Variants in RGL2 observed in about 807,000 individuals in gnomAD.
The protein encoded by RGL2 is ral guanine nucleotide dissociation stimulator like 2.
Under a neutral mutation model 84.6 loss-of-function variants are expected in RGL2, and 40 were observed. That is an observed-to-expected ratio of 0.47 (90% confidence interval 0.37 to 0.62). The LOEUF is 0.62. Among genes scored for constraint, RGL2 ranks in the 20% least tolerant of loss-of-function variants. The pLI is 0.00. For missense variants in RGL2, 865 were observed against 1,019.7 expected (o/e 0.85, Z 2.07); for synonymous variants, 369 against 417.3 (o/e 0.88, Z 1.41).
Position 33,292,472 on chromosome 6 carries a change from C to G in RGL2, c.2080G>C (p.Ala694Pro). The G allele has an allele frequency of 1.9e-6, 3 of 1,614,146 alleles. No homozygotes were observed. The highest frequency in any genetic ancestry group is 2.5e-6 in the Non-Finnish European group (3 of 1,180,018). Residue 694 changes from alanine to proline, a missense_variant, in exon 17 of 18, where the codon GCT becomes CCT. Coordinates refer to ENST00000497454, the MANE Select transcript of RGL2 (RefSeq NM_004761.5). ...LKKNNRDSAV[A>P]SEYELVQLLP... ...AGCTGTACCAGCTCATACTCTGAAG[C>G]CACTGCAGAGTCACGATTGTTTTTC...
rs1261503533 is a variant in RGL2 at position 33,294,794 on chromosome 6, GC to G, written c.1279-33del. The stretch of plus-strand genomic sequence containing the variant: ...TCAGGGGTCAGGGTCAGAAGTGCCT[GC>G]CATTGACGTGAGGGCCCTCCATCCC... On this transcript the variant is annotated intron_variant, in intron 10 of 17. Transcript: ENST00000497454. This position sits in a 1 kb window ranked among gnomAD's most constrained non-coding sequence, Gnocchi z 5.0. The G allele has an allele frequency of 6.2e-6, 10 of 1,608,008 alleles. No individual in the cohort carries two copies. The highest frequency in any genetic ancestry group is 7.7e-6 in the Non-Finnish European group (9 of 1,175,738).
Position 33,296,808 on chromosome 6 carries a change from T to C in RGL2, c.241-32A>G, listed in dbSNP as rs754581802. On this transcript the variant is annotated intron_variant, in intron 3 of 17. Coordinates refer to ENST00000497454, the MANE Select transcript of RGL2 (RefSeq NM_004761.5). The surrounding 1 kb of genome is among the most constrained non-coding windows in gnomAD (Gnocchi z 5.0). The stretch of plus-strand genomic sequence containing the variant: ...AACACAGAGAGATGATCGCTAACCC[T>C]TTCTCCCACTCTGCACCTAGATTTC... 6.2e-6 allele frequency: 10 copies of C among 1,612,912 alleles called. No individual in the cohort carries two copies. The highest frequency in any genetic ancestry group is 8.5e-6 in the Non-Finnish European group (10 of 1,179,204).
Position 33,293,846 on chromosome 6 carries a change from T to C in RGL2, c.1457A>G (p.His486Arg), listed in dbSNP as rs764710146. 5 of 1,614,140 alleles carry C rather than the reference T, an allele frequency of 3.1e-6. No individual in the cohort carries two copies. Among genetic ancestry groups the C allele is most frequent in the African/African-American group, 1.3e-5 (1 of 75,020 alleles). Residue 486 changes from histidine to arginine, a missense_variant, in exon 13 of 18, where the codon CAT becomes CGT. Physicochemically the swap from His to Arg is conservative, Grantham distance 29. Transcript: ENST00000497454. The surrounding 1 kb of genome is among the most constrained non-coding windows in gnomAD (Gnocchi z 7.0). ...CCCCTGTAGCCACCTCTGGATATCA[T>C]GGTCAGGTTGGAGGTTATAGCCACG... Reference protein sequence around the residue: ...ECRGYNLQPDHDIQRWLQGLR... With the variant: ...ECRGYNLQPDRDIQRWLQGLR...
In RGL2 at chr6:33,297,097, C is replaced by A. The variant is rs747253994; in HGVS notation, c.175G>T (p.Asp59Tyr). 14 of 1,560,620 alleles carry A rather than the reference C, an allele frequency of 9.0e-6. No homozygotes were observed. In the African/African-American group the frequency reaches 1.8e-4, roughly 20 times the overall value. The change falls in exon 3 of 18, where the codon GAT (aspartate) becomes TAT (tyrosine). Residue 59 changes from aspartate to tyrosine, a missense_variant. By Grantham distance (160) the Asp-to-Tyr change is radical. Coordinates refer to ENST00000497454, the MANE Select transcript of RGL2 (RefSeq NM_004761.5). This position sits in a 1 kb window ranked among gnomAD's most constrained non-coding sequence, Gnocchi z 4.0. ...AACACGGCACCATCCTCCTCCTCATCCCAGACGGACACAGGGGCCTGGAGG... is the reference window on the plus strand; with the variant it reads ...AACACGGCACCATCCTCCTCCTCATACCAGACGGACACAGGGGCCTGGAGG... ...EEEEAPVSVW[D>Y]EEEDGAVFTV...
At chr6:33,292,990 C>T in intron 16 of RGL2, 26 bp downstream of exon 16, 1 of 1,613,958 alleles carries the variant, frequency 6.2e-7, no homozygotes, top group Non-Finnish European at 8.5e-7. Context: ...ATCCTTCACC[C>T]CAACTCCATC....
Position 33,298,685 on chromosome 6 carries a change from G to A in RGL2, c.-41-34C>T, listed in dbSNP as rs1768264871. The stretch of plus-strand genomic sequence containing the variant: ...AGACGGGGTGGGGTGGGGGTGGAGA[G>A]TCAGGCAGGCGCGGGGGAACCGGGC... On this transcript the variant is annotated intron_variant, in intron 1 of 17. Coordinates refer to ENST00000497454, the MANE Select transcript of RGL2 (RefSeq NM_004761.5). This position sits in a 1 kb window ranked among gnomAD's most constrained non-coding sequence, Gnocchi z 4.8. 2 of 1,029,398 alleles carry A rather than the reference G, an allele frequency of 1.9e-6. No homozygotes were observed. Among genetic ancestry groups the A allele is most frequent in the East Asian group, 3.2e-5 (1 of 31,170 alleles). The allele number at this position is 1,029,398 out of a possible 1,614,324, so 63.8% of individuals were successfully genotyped here. A position where few individuals can be genotyped will look rare whatever the true frequency, so the allele number is the denominator to read the frequency against.
At position 33,294,811 on chromosome 6, in the gene RGL2, C is replaced by T. The variant is rs537387878; in HGVS notation, c.1279-49G>A. On this transcript the variant is annotated intron_variant, in intron 10 of 17. Coordinates refer to ENST00000497454, the MANE Select transcript of RGL2 (RefSeq NM_004761.5). The surrounding 1 kb of genome is among the most constrained non-coding windows in gnomAD (Gnocchi z 5.0). ...AAGTGCCTGCCATTGACGTGAGGGC[C>T]CTCCATCCCTCCGCACTTGCCCTCC... The T allele has an allele frequency of 5.4e-5, 85 of 1,580,866 alleles. No homozygotes were observed. Among genetic ancestry groups the T allele is most frequent in the South Asian group, 3.0e-4 (27 of 89,108 alleles).
Position 33,293,867 on chromosome 6 carries a change from C to A in RGL2, c.1436G>T (p.Gly479Val). 1 of 1,614,128 alleles carries A rather than the reference C, an allele frequency of 6.2e-7. No homozygotes were observed. The highest frequency in any genetic ancestry group is 8.5e-7 in the Non-Finnish European group (1 of 1,180,042). Reference protein sequence around the residue: ...ELRRLQNECRGYNLQPDHDIQ... With the variant: ...ELRRLQNECRVYNLQPDHDIQ... ...ATCATGGTCAGGTTGGAGGTTATAG[C>A]CACGACATTCATTCTGGAGCCGTCG... The change falls in exon 13 of 18, where the codon GGC becomes GTC. Residue 479 changes from glycine (G) to valine (V), a missense_variant. Transcript: ENST00000497454. This position sits in a 1 kb window ranked among gnomAD's most constrained non-coding sequence, Gnocchi z 7.0.
rs1412019935 is a variant in RGL2 at position 33,294,848 on chromosome 6, G to C, written c.1279-86C>G. The C allele has an allele frequency of 6.6e-7, 1 of 1,516,552 alleles. No homozygotes were observed. Among genetic ancestry groups the C allele is most frequent in the African/African-American group, 1.4e-5 (1 of 72,824 alleles). 93.9% of individuals were successfully genotyped at this position (1,516,552 alleles called of 1,614,324 possible). ...CGCACTTGCCCTCCTCATTGCCTCAGAGAACAGATTTCATTCTCCTCACCC... is the reference window on the plus strand; with the variant it reads ...CGCACTTGCCCTCCTCATTGCCTCACAGAACAGATTTCATTCTCCTCACCC... On this transcript the variant is annotated intron_variant, in intron 10 of 17. Coordinates refer to ENST00000497454, the MANE Select transcript of RGL2 (RefSeq NM_004761.5). The surrounding 1 kb of genome is among the most constrained non-coding windows in gnomAD (Gnocchi z 5.0).
In RGL2 at chr6:33,293,913, A is replaced by G; in HGVS notation, c.1390T>C (p.Phe464Leu). The change falls in exon 13 of 18, where the codon TTT (phenylalanine) becomes CTT (leucine). Residue 464 changes from phenylalanine to leucine, a missense_variant. Around this residue, in one of 5 missense-constraint regions of RGL2, gnomAD observed 75 missense variants for 130.8 expected, o/e 0.57. Transcript: ENST00000497454. This position sits in a 1 kb window ranked among gnomAD's most constrained non-coding sequence, Gnocchi z 7.0. ...CGTCGCAACTCAGAAAGGACTGCAAACTCCTGGGAAGGAGCCCTCAAACTG... is the reference window on the plus strand; with the variant it reads ...CGTCGCAACTCAGAAAGGACTGCAAGCTCCTGGGAAGGAGCCCTCAAACTG... ...YINFDKRRKE[F>L]AVLSELRRLQ... The G allele has an allele frequency of 6.2e-7, 1 of 1,613,802 alleles. No homozygotes were observed. Among genetic ancestry groups the G allele is most frequent in the African/African-American group, 1.3e-5 (1 of 74,882 alleles).
rs1767763262 is a variant in RGL2 at position 33,294,697 on chromosome 6, A to G, written c.1344T>C (p.Asp448=). 6.2e-7 allele frequency: 1 copy of G among 1,613,792 alleles called. No homozygotes were observed. Among genetic ancestry groups the G allele is most frequent in the African/African-American group, 1.3e-5 (1 of 74,872 alleles). ...DLVMLDAASK[D]ELENGYINFD... ...CACACACACCACTGACCTCCAACTCATCCTTGGAGGCTGCATCCAGCATCA... is the reference window on the plus strand; with the variant it reads ...CACACACACCACTGACCTCCAACTCGTCCTTGGAGGCTGCATCCAGCATCA... The change falls in exon 11 of 18, where the codon GAT becomes GAC. Residue 448 remains aspartate (D), a synonymous_variant. Transcript: ENST00000497454. The surrounding 1 kb of genome is among the most constrained non-coding windows in gnomAD (Gnocchi z 5.0).
chr6:33,296,353 A>G lies in RGL2; in HGVS notation c.471-28T>C. 2.5e-6 allele frequency: 4 copies of G among 1,606,072 alleles called. No homozygotes were observed. Among genetic ancestry groups the G allele is most frequent in the Non-Finnish European group, 3.4e-6 (4 of 1,175,452 alleles). On this transcript the variant is annotated intron_variant, in intron 5 of 17. Coordinates refer to ENST00000497454, the MANE Select transcript of RGL2 (RefSeq NM_004761.5). The surrounding 1 kb of genome is among the most constrained non-coding windows in gnomAD (Gnocchi z 5.0). Reference sequence around the variant, plus strand: ...GGGAGAAGGGAATCAGCCAAGGGTGAGAGGTAAAGCTGCAGCCTGGGCAGA... The same window carrying G: ...GGGAGAAGGGAATCAGCCAAGGGTGGGAGGTAAAGCTGCAGCCTGGGCAGA...
chr6:33,296,238 C>G lies in RGL2; in HGVS notation c.558G>C (p.Glu186Asp). ...CATACCCTGTCTGAAGTAAGAAGCT[C>G]TCAAGCCGGTCAAGCTGACCCTTGG... ...SEAKGQLDRL[E>D]SFLLQTGYAA... Residue 186 changes from glutamate (E) to aspartate (D), a missense_variant, in exon 6 of 18, where the codon GAG becomes GAC. Physicochemically the swap from Glu to Asp is conservative, Grantham distance 45 (BLOSUM62 2). Coordinates refer to ENST00000497454, the MANE Select transcript of RGL2 (RefSeq NM_004761.5). This position sits in a 1 kb window ranked among gnomAD's most constrained non-coding sequence, Gnocchi z 5.0. The G allele has an allele frequency of 6.2e-7, 1 of 1,614,002 alleles. No individual in the cohort carries two copies. Among genetic ancestry groups the G allele is most frequent in the South Asian group, 1.1e-5 (1 of 91,086 alleles).
chr6:33,300,899 G>A (rs1768519962), upstream of RGL2: 1 of 150,298 alleles, frequency 6.7e-6, no homozygotes, highest in Non-Finnish European at 1.5e-5. Context: ...CCGAGAGGCG[G>A]AGCTTGCAGT....
In RGL2 at chr6:33,297,166, G is replaced by A; in HGVS notation, c.157-51C>T. ...AGACAGTTCCACACCACCCCCCATT[G>A]CCCTCAGCCTTCACCCCAGGCCCTG... On this transcript the variant is annotated intron_variant, in intron 2 of 17. Coordinates refer to ENST00000497454, the MANE Select transcript of RGL2 (RefSeq NM_004761.5). This position sits in a 1 kb window ranked among gnomAD's most constrained non-coding sequence, Gnocchi z 4.0. 1.4e-6 allele frequency: 2 copies of A among 1,405,180 alleles called. No homozygotes were observed. Among genetic ancestry groups the A allele is most frequent in the Non-Finnish European group, 1.9e-6 (2 of 1,031,762 alleles). 87.0% of individuals were successfully genotyped at this position (1,405,180 alleles called of 1,614,324 possible).
In RGL2 at chr6:33,293,494, C is replaced by T. The variant is rs1463061129; in HGVS notation, c.1635G>A (p.Pro545=). ...EVLGSVGVPT[P]LVSCDRPSTG... ...TACTGGGCCGGTCACAGGACACAAG[C>T]GGGGTAGGGACCCCAACAGAGCCCA... is the stretch of plus-strand genomic sequence containing the variant. The change falls in exon 15 of 18, where the codon CCG becomes CCA. Residue 545 remains proline (P), a synonymous_variant. Transcript: ENST00000497454. This position sits in a 1 kb window ranked among gnomAD's most constrained non-coding sequence, Gnocchi z 7.0. 9.9e-6 allele frequency: 16 copies of T among 1,613,856 alleles called. No individual in the cohort carries two copies. The highest frequency in any genetic ancestry group is 4.5e-5 in the East Asian group (2 of 44,904).
At chr6:33,301,573 CAA>C (rs11350807), upstream of RGL2, 18,375 of 411,936 alleles carry the variant, frequency 0.045, no homozygotes, top group South Asian at 0.066. Flanking sequence ...GACTCCGTCT[CAA>C]AAAAAAAAAA....
chr6:33,296,090 G>A lies in RGL2; in HGVS notation c.706C>T (p.Pro236Ser). Residue 236 changes from proline (P) to serine (S), a missense_variant, in exon 6 of 18, where the codon CCC becomes TCC. Physicochemically the swap from Pro to Ser is moderately conservative, Grantham distance 74. Transcript: ENST00000497454. The surrounding 1 kb of genome is among the most constrained non-coding windows in gnomAD (Gnocchi z 5.0). ...LALPGDPPADPTDVLVFLADH... is the reference protein window; with the variant it reads ...LALPGDPPADSTDVLVFLADH... ...GCGAGGAACACCAGGACATCCGTGGGGTCAGCAGGGGGATCGCCGGGGAGG... is the reference window on the plus strand; with the variant it reads ...GCGAGGAACACCAGGACATCCGTGGAGTCAGCAGGGGGATCGCCGGGGAGG... 1 of 1,614,086 alleles carries A rather than the reference G, an allele frequency of 6.2e-7. No homozygotes were observed. Among genetic ancestry groups the A allele is most frequent in the South Asian group, 1.1e-5 (1 of 91,076 alleles).
rs769085740 is a variant in RGL2 at position 33,293,284 on chromosome 6, G to A, written c.1739C>T (p.Ser580Leu). ...LAQHMKWPSV[S>L]SLDSALESSP... ...GCTTTCCAAGGCAGAGTCTAGTGACGAGACAGATGGCCACTTCATGTGCTA... is the reference window on the plus strand; with the variant it reads ...GCTTTCCAAGGCAGAGTCTAGTGACAAGACAGATGGCCACTTCATGTGCTA... The change falls in exon 16 of 18, where the codon TCG (serine) becomes TTG (leucine). Residue 580 changes from serine to leucine, a missense_variant. Coordinates refer to ENST00000497454, the MANE Select transcript of RGL2 (RefSeq NM_004761.5). The surrounding 1 kb of genome is among the most constrained non-coding windows in gnomAD (Gnocchi z 7.0). The A allele has an allele frequency of 7.8e-6, 12 of 1,547,852 alleles. No homozygotes were observed. The highest frequency in any genetic ancestry group is 2.5e-5 in the South Asian group (2 of 79,642).
Sources: gnomAD v4.1 joint callset for allele counts on GRCh38, gnomAD v4.1.1 for gene constraint, gnomAD v4.1.1 regional missense constraint, Gnocchi (gnomAD v3.1) non-coding constraint, MANE v1.5 for transcripts, NCBI Gene and HGNC (gene_info 2026-07-23, HGNC 2026-07-21) for gene names.